The following CREB5 variants were observed in gnomAD, a reference collection of about 807,000 sequenced individuals.
CREB5 encodes the protein cAMP responsive element binding protein 5.
Under a neutral mutation model 57.1 loss-of-function variants are expected in CREB5, and 19 were observed. That is an observed-to-expected ratio of 0.33 (90% CI 0.23 to 0.49). The LOEUF (loss-of-function observed/expected upper bound fraction) is 0.49, where lower values mean the gene tolerates loss of function less well. Among genes scored for constraint, CREB5 ranks in the 20% least tolerant of loss-of-function variants. CREB5 has a pLI of 0.99. For missense variants in CREB5, 579 were observed against 671.6 expected (o/e 0.86, Z 1.52); for synonymous variants, 238 against 238.3 (o/e 1.00, Z 0.01).
intron 7 of CREB5, among the ~76,000 whole-genome samples, chr7:28,794,504 T>C (rs1463052260): frequency 6.6e-6 from 1 of 152,206 alleles, no homozygotes; most frequent in African/African-American, 2.4e-5. Flanking sequence ...AACTAGCATA[T>C]AATATTTTCT....
In CREB5 at chr7:28,515,527, A is replaced by G. The variant is rs368868531; in HGVS notation, c.291+7790A>G. ...ACATACCACTGCTATTCCTCACTCA[A>G]CATGCCGGAAACCATACCCAGGGCT... On this transcript the variant is annotated intron_variant, in intron 4 of 10. Coordinates refer to ENST00000357727, the MANE Select transcript of CREB5 (RefSeq NM_182898.4). Among the ~76,000 whole-genome samples the G allele has an allele frequency of 2.6e-5, 4 of 151,988 alleles. 1 individual carries two copies. The East Asian group carries it at 5.8e-4, about 22-fold the overall frequency.
At chr7:28,559,256 T>A (rs1327505452) in intron 4 of CREB5, among the ~76,000 whole-genome samples, 1 of 152,240 alleles carries the variant, frequency 6.6e-6, no homozygotes, top group Non-Finnish European at 1.5e-5. Flanking sequence ...AGCTGCTTGC[T>A]GGCCTCTGCG....
At chr7:28,373,491 A>G (rs1328215764) in intron 1 of CREB5, among the ~76,000 whole-genome samples, 1 of 149,754 alleles carries the variant, frequency 6.7e-6, no homozygotes, top group East Asian at 2.0e-4. Flanking sequence ...CCCAGGCTGA[A>G]GTGCAGTAGC....
At chr7:28,558,488 A>G (rs528203963) in intron 4 of CREB5, among the ~76,000 whole-genome samples, 2 of 152,332 alleles carry the variant, frequency 1.3e-5, no homozygotes, top group Admixed American at 6.5e-5. Flanking sequence ...TGGAAGAGGA[A>G]GTCTAACTTG....
chr7:28,594,962 T>TTA (rs1320349469), intron 5 of CREB5, among the ~76,000 whole-genome samples: 2 of 152,174 alleles, frequency 1.3e-5, no homozygotes, highest in Non-Finnish European at 2.9e-5. Flanking sequence ...ATAGATCCCC[T>TTA]TATACCCTGC....
At chr7:28,735,125 G>T (rs1394151271) in intron 7 of CREB5, among the ~76,000 whole-genome samples, 2 of 151,344 alleles carry the variant, frequency 1.3e-5, no homozygotes, top group Non-Finnish European at 2.9e-5. Context: ...TTGTTTTTTT[G>T]TGTGTGGATT....
chr7:28,528,324 G>T (rs2128620169), intron 4 of CREB5, among the ~76,000 whole-genome samples: 1 of 152,356 alleles, frequency 6.6e-6, no homozygotes, highest in South Asian at 2.1e-4. Context: ...TGAAAGGATA[G>T]TGTTTGAAGA....
chr7:28,597,634 A>G (rs905127440), intron 5 of CREB5, among the ~76,000 whole-genome samples: 1 of 152,180 alleles, frequency 6.6e-6, no homozygotes, highest in Admixed American at 6.6e-5. Context: ...ATTGAGGTGG[A>G]ATTAATGATT....
intron 5 of CREB5, among the ~76,000 whole-genome samples, chr7:28,609,398 C>T (rs1002067018): frequency 1.6e-4 from 25 of 152,096 alleles, no homozygotes; most frequent in African/African-American, 6.0e-4. Flanking sequence ...ACTAATGTTA[C>T]ATTTAACAAA....
rs539076252 is a variant in CREB5, at chr7:28,444,484, A to G, written c.3+31567A>G. 5.3e-5 allele frequency among the ~76,000 whole-genome samples: 8 copies of G among 152,304 alleles called. No individual in the cohort carries two copies. The South Asian group carries it at 1.7e-3, about 32-fold the overall frequency. On this transcript the variant is annotated intron_variant, in intron 1 of 10. Transcript: ENST00000357727. ...TGGTGGCTGGAATACCTACCTTTGA[A>G]CTGTCGTGGGGAAACAAAGTGAAAA...
chr7:28,534,421 T>G (rs1196487579), intron 4 of CREB5, among the ~76,000 whole-genome samples: 1 of 152,142 alleles, frequency 6.6e-6, no homozygotes, highest in Non-Finnish European at 1.5e-5. Flanking sequence ...AAGGGCTGGG[T>G]GGACCCCTTG....
At chr7:28,379,433 A>G (rs1314524768) in intron 1 of CREB5, among the ~76,000 whole-genome samples, 1 of 152,206 alleles carries the variant, frequency 6.6e-6, no homozygotes, top group African/African-American at 2.4e-5. Context: ...TTTTGTTTTA[A>G]AATCTAGAAC....
At chr7:28,584,935 C>T (rs957736480) in intron 5 of CREB5, among the ~76,000 whole-genome samples, 1 of 152,116 alleles carries the variant, frequency 6.6e-6, no homozygotes, top group Non-Finnish European at 1.5e-5. Context: ...TGGTGAGATG[C>T]CCCCAGTTCT....
intron 9 of CREB5, among the ~76,000 whole-genome samples, chr7:28,812,006 A>T (rs143751247): frequency 7.5e-4 from 114 of 152,306 alleles, no homozygotes; most frequent in African/African-American, 2.6e-3. Context: ...TGCCCTGTGC[A>T]TTGCAGGCTA....
chr7:28,790,477 AG>A, intron 7 of CREB5, among the ~76,000 whole-genome samples: 1 of 147,630 alleles, frequency 6.8e-6, no homozygotes, highest in Non-Finnish European at 1.5e-5. Flanking sequence ...AGAGAGAGAA[AG>A]AAAGAAAGAA....
At chr7:28,785,715 T>G (rs556564317) in intron 7 of CREB5, among the ~76,000 whole-genome samples, 1 of 152,310 alleles carries the variant, frequency 6.6e-6, no homozygotes, top group Non-Finnish European at 1.5e-5. Flanking sequence ...CCTCTGCAGA[T>G]CCAGGGCTTC....
intron 5 of CREB5, among the ~76,000 whole-genome samples, chr7:28,690,767 GGTAC>G (rs1445548742): frequency 6.6e-6 from 1 of 152,184 alleles, no homozygotes; most frequent in Non-Finnish European, 1.5e-5. Flanking sequence ...CCCTGCTGCA[GGTAC>G]GGCCTCCCTG....
At chr7:28,393,008 T>C (rs1787253663) in intron 1 of CREB5, among the ~76,000 whole-genome samples, 1 of 152,024 alleles carries the variant, frequency 6.6e-6, no homozygotes, top group Non-Finnish European at 1.5e-5. Flanking sequence ...CACCGCAACC[T>C]CTGCCTCTTA....
chr7:28,319,420 AAGAG>A (rs1445839212), intron 1 of CREB5, among the ~76,000 whole-genome samples: 1 of 152,210 alleles, frequency 6.6e-6, no homozygotes, highest in Non-Finnish European at 1.5e-5. Context: ...TTTATGGTAA[AAGAG>A]AGCAAAGGTG....
Sources: allele counts gnomAD v4.1 joint callset (sites outside exome capture counted in the v4.1 genomes callset), GRCh38; gene constraint gnomAD v4.1.1; transcripts MANE v1.5; gene names NCBI Gene and HGNC (gene_info 2026-07-23, HGNC 2026-07-21).